Variants in DTNA observed in about 807,000 individuals in gnomAD.
DTNA encodes the protein dystrophin-related protein 3.
Under a neutral mutation model 100.7 loss-of-function variants are expected in DTNA, and 43 were observed. That is an observed-to-expected ratio of 0.43 (90% confidence interval 0.33 to 0.55). DTNA has a LOEUF of 0.55. Ranked by LOEUF, DTNA falls within the 20% of genes least tolerant of loss-of-function variation. DTNA has a pLI of 0.04. For synonymous variants in DTNA, 349 were observed against 347.9 expected (o/e 1.00, Z -0.04); for missense variants, 798 against 953.9 (o/e 0.84, Z 2.15).
intron 1 of DTNA, among the ~76,000 whole-genome samples, chr18:34,703,155 C>CTGTA (rs1008416060): frequency 2.6e-5 from 4 of 152,162 alleles, no homozygotes; most frequent in African/African-American, 9.7e-5. Flanking sequence ...TCTCTATGCT[C>CTGTA]TGTATGTATG....
intron 16 of DTNA, among the ~76,000 whole-genome samples, chr18:34,861,723 GA>G (rs1010911049): frequency 6.6e-6 from 1 of 152,080 alleles, no homozygotes; most frequent in African/African-American, 2.4e-5. Flanking sequence ...ACTTAGAGAA[GA>G]TTGAATGAAG....
At chr18:34,782,546 G>T in intron 3 of DTNA, among the ~76,000 whole-genome samples, 1 of 152,186 alleles carries the variant, frequency 6.6e-6, no homozygotes, top group East Asian at 1.9e-4. Context: ...CTACCTGAGG[G>T]TATAAGAATG....
At chr18:34,887,175 T>A (rs2096929185) in intron 22 of DTNA, among the ~76,000 whole-genome samples, 1 of 152,142 alleles carries the variant, frequency 6.6e-6, no homozygotes. Flanking sequence ...ACTTTCAACA[T>A]ACAATATTAA....
At chr18:34,881,618 G>T (rs1457631688) in intron 20 of DTNA, among the ~76,000 whole-genome samples, 2 of 151,736 alleles carry the variant, frequency 1.3e-5, no homozygotes, top group Non-Finnish European at 2.9e-5. Context: ...ACACAAAAGA[G>T]GTTAAATTAT....
At chr18:34,652,928 T>A (rs11662562) in intron 1 of DTNA, among the ~76,000 whole-genome samples, 2 of 152,134 alleles carry the variant, frequency 1.3e-5, no homozygotes, top group Non-Finnish European at 2.9e-5. Context: ...GGTGGATACA[T>A]ATTCTGAACC....
At chr18:34,557,334 T>A (rs2046175123) in intron 1 of DTNA, among the ~76,000 whole-genome samples, 1 of 147,946 alleles carries the variant, frequency 6.8e-6, no homozygotes, top group South Asian at 2.1e-4. Context: ...TAGCTCAGAG[T>A]AATTTGATCG....
At chr18:34,858,207 G>C in intron 15 of DTNA, 78 bp from the exon 16 acceptor site, 2 of 1,303,102 alleles carry the variant, frequency 1.5e-6, no homozygotes, top group Non-Finnish European at 2.2e-6. Flanking sequence ...CTTTGTTCTG[G>C]TGGCCTTGAT....
At chr18:34,571,084 T>C (rs769695789) in intron 1 of DTNA, among the ~76,000 whole-genome samples, 1 of 152,144 alleles carries the variant, frequency 6.6e-6, no homozygotes, top group South Asian at 2.1e-4. Context: ...TTCGGTTAAG[T>C]TCCTCACATC....
Position 34,676,740 on chromosome 18 carries a change from T to C in DTNA, c.-1-79236T>C, listed in dbSNP as rs1034203110. Among the ~76,000 whole-genome samples, 5 of 152,120 alleles carry C rather than the reference T, an allele frequency of 3.3e-5. No homozygotes were observed. In the East Asian group the frequency reaches 9.7e-4, roughly 30 times the overall value. On this transcript the variant is annotated intron_variant, in intron 1 of 19. Coordinates refer to the DTNA transcript ENST00000283365. ...GTCCCAGCTACTCAGGAGGTTGAGA[T>C]GGGAAGATTGCTTGAGCCTGGGGAG...
intron 1 of DTNA, among the ~76,000 whole-genome samples, chr18:34,626,178 A>G (rs993153171): frequency 8.5e-5 from 13 of 152,218 alleles, no homozygotes; most frequent in African/African-American, 3.1e-4. Context: ...TTATTATTAC[A>G]TCAGACACAT....
intron 16 of DTNA, among the ~76,000 whole-genome samples, chr18:34,860,228 T>G (rs920603898): frequency 1.1e-4 from 14 of 131,264 alleles, no homozygotes; most frequent in African/African-American, 2.5e-4. Flanking sequence ...TTGTTTTTTT[T>G]TTTTTTTTTT....
At chr18:34,734,429 A>G (rs767865028) in intron 1 of DTNA, among the ~76,000 whole-genome samples, 3 of 152,150 alleles carry the variant, frequency 2.0e-5, no homozygotes, top group Non-Finnish European at 4.4e-5. Flanking sequence ...TCCAAGTTGC[A>G]GGGTCCCATT....
intron 1 of DTNA, among the ~76,000 whole-genome samples, chr18:34,504,599 A>G (rs187687203): frequency 5.9e-5 from 9 of 152,246 alleles, no homozygotes; most frequent in Admixed American, 5.2e-4. Context: ...AAGGATTTTC[A>G]CTGGACATAA....
At chr18:34,567,005 T>C (rs540267250) in intron 1 of DTNA, among the ~76,000 whole-genome samples, 19 of 152,356 alleles carry the variant, frequency 1.2e-4, no homozygotes, top group African/African-American at 4.6e-4. Flanking sequence ...GGAAAGACAC[T>C]GAATAAATCA....
At chr18:34,731,499 A>G (rs1026049398) in intron 1 of DTNA, among the ~76,000 whole-genome samples, 8 of 151,628 alleles carry the variant, frequency 5.3e-5, no homozygotes, top group African/African-American at 1.9e-4. Flanking sequence ...AAAAAAAAAA[A>G]GATTTGTGCG....
intron 10 of DTNA, chr18:34,829,178 C>T: frequency 6.2e-7 from 1 of 1,606,572 alleles, no homozygotes; most frequent in East Asian, 2.2e-5. Context: ...TGATTATTTC[C>T]CTTTTTTCCC....
intron 1 of DTNA, among the ~76,000 whole-genome samples, chr18:34,656,532 T>C (rs539575039): frequency 6.6e-6 from 1 of 152,292 alleles, no homozygotes; most frequent in Admixed American, 6.5e-5. Context: ...CACGGAGCAG[T>C]CCCCAAATGC....
intron 1 of DTNA, among the ~76,000 whole-genome samples, chr18:34,500,729 G>C (rs567645849): frequency 1.3e-5 from 2 of 151,944 alleles, no homozygotes; most frequent in African/African-American, 4.8e-5. Context: ...CTCCCAAACT[G>C]CTGGGATTAC....
intron 11 of DTNA, among the ~76,000 whole-genome samples, chr18:34,831,186 G>A (rs950821846): frequency 2.6e-5 from 4 of 152,108 alleles, no homozygotes; most frequent in Admixed American, 1.3e-4. Context: ...CTATGGTCAA[G>A]CTTCTTCATT....
Sources: gnomAD v4.1 joint callset for allele counts (sites outside exome capture counted in the v4.1 genomes callset) on GRCh38, gnomAD v4.1.1 for gene constraint, MANE v1.5 for transcripts, NCBI Gene and HGNC (gene_info 2026-07-23, HGNC 2026-07-21) for gene names.